The following CYTH3 variants were observed in gnomAD, a reference collection of about 807,000 sequenced individuals.
CYTH3 encodes the protein cytohesin-3.
CYTH3 carries 23 observed loss-of-function variants against 55.1 expected under a neutral mutation model. The observed-to-expected ratio is 0.42, with a 90% CI of 0.30 to 0.59. CYTH3 has a LOEUF of 0.59. Ranked by LOEUF, CYTH3 falls within the 20% of genes least tolerant of loss-of-function variation. The pLI, the probability that CYTH3 is intolerant of heterozygous loss-of-function variation, is 0.20. For missense variants in CYTH3, 413 were observed against 524.8 expected (o/e 0.79, Z 2.08); for synonymous variants, 249 against 194.9 (o/e 1.28, Z -2.31).
intron 1 of CYTH3, among the ~76,000 whole-genome samples, chr7:6,257,210 T>G (rs984033297): frequency 6.6e-6 from 1 of 152,118 alleles, no homozygotes; most frequent in Non-Finnish European, 1.5e-5. Context: ...CAATCACTCA[T>G]CTTCCCACGC....
chr7:6,207,793 T>C (rs1784228883), intron 1 of CYTH3, among the ~76,000 whole-genome samples: 1 of 151,870 alleles, frequency 6.6e-6, no homozygotes, highest in Non-Finnish European at 1.5e-5. Context: ...CCACAACAAA[T>C]ACAAAAATTA....
chr7:6,181,342 C>A (rs1783497886), intron 4 of CYTH3, among the ~76,000 whole-genome samples: 2 of 152,168 alleles, frequency 1.3e-5, no homozygotes, highest in Admixed American at 1.3e-4. Context: ...ATCAGAGAAG[C>A]CCTTGTGTGT....
chr7:6,204,788 G>GT (rs1784146442), intron 1 of CYTH3, among the ~76,000 whole-genome samples: 1 of 152,186 alleles, frequency 6.6e-6, no homozygotes, highest in South Asian at 2.1e-4. Context: ...TATGTTTCCT[G>GT]TATCGAACTA....
chr7:6,250,085 T>A (rs1207494998), intron 1 of CYTH3, among the ~76,000 whole-genome samples: 3 of 152,172 alleles, frequency 2.0e-5, no homozygotes, highest in African/African-American at 7.2e-5. Context: ...AAATTTGTTG[T>A]CCTATGTCCA....
At chr7:6,247,633 T>C (rs1212865463) in intron 1 of CYTH3, among the ~76,000 whole-genome samples, 1 of 152,172 alleles carries the variant, frequency 6.6e-6, no homozygotes, top group Non-Finnish European at 1.5e-5. Context: ...TTCAGCTCTT[T>C]CATTTCACTT....
intron 1 of CYTH3, among the ~76,000 whole-genome samples, chr7:6,236,481 A>G (rs963326981): frequency 6.6e-6 from 1 of 151,706 alleles, no homozygotes; most frequent in Non-Finnish European, 1.5e-5. Context: ...AAGCACTGGA[A>G]TTACAGGTAT....
At chr7:6,177,617 G>A (rs546155540) in intron 5 of CYTH3, among the ~76,000 whole-genome samples, 3 of 152,336 alleles carry the variant, frequency 2.0e-5, no homozygotes, top group East Asian at 1.9e-4. Flanking sequence ...CCCATAATAC[G>A]GTAATGCCTC....
intron 1 of CYTH3, among the ~76,000 whole-genome samples, chr7:6,206,550 T>G (rs1583785818): frequency 6.6e-6 from 1 of 152,256 alleles, no homozygotes; most frequent in Admixed American, 6.5e-5. Context: ...CAAGGGTGTG[T>G]GTACATGACT....
chr7:6,215,084 T>C (rs1341368357), intron 1 of CYTH3, among the ~76,000 whole-genome samples: 1 of 152,222 alleles, frequency 6.6e-6, no homozygotes, highest in African/African-American at 2.4e-5. Context: ...AGAATTCTGT[T>C]ACTTCAAGTG....
At chr7:6,245,591 G>C (rs1249597614) in intron 1 of CYTH3, among the ~76,000 whole-genome samples, 1 of 152,192 alleles carries the variant, frequency 6.6e-6, no homozygotes, top group Non-Finnish European at 1.5e-5. Context: ...CTTCACAAAG[G>C]TTTGTCCAGA....
chr7:6,170,896 T>C lies in CYTH3; in HGVS notation c.645A>G (p.Ala215=), dbSNP rs1002205659. ...CGCGGTTCATGGCGATGAACCGTTCTGCCGTGGGCTTGTCACGCACGTTGT... is the reference window on the plus strand; with the variant it reads ...CGCGGTTCATGGCGATGAACCGTTCCGCCGTGGGCTTGTCACGCACGTTGT... ...HNHNVRDKPT[A]ERFIAMNRGI... is the part of the protein sequence containing the mutation. The change falls in exon 8 of 13, where the codon GCA becomes GCG. Residue 215 remains alanine (A), a synonymous_variant. Transcript: ENST00000350796. The surrounding 1 kb of genome is among the most constrained non-coding windows in gnomAD (Gnocchi z 7.8). The C allele has an allele frequency of 1.2e-6, 2 of 1,613,860 alleles. No individual in the cohort carries two copies. Among genetic ancestry groups the C allele is most frequent in the Non-Finnish European group, 1.7e-6 (2 of 1,179,932 alleles).
intron 1 of CYTH3, among the ~76,000 whole-genome samples, chr7:6,210,823 T>C (rs184121430): frequency 1.6e-4 from 24 of 152,348 alleles, no homozygotes; most frequent in Admixed American, 1.2e-3. Context: ...AAGAAAACAG[T>C]TGGGCATATT....
intron 1 of CYTH3, among the ~76,000 whole-genome samples, chr7:6,253,540 G>A (rs1018852331): frequency 4.6e-5 from 7 of 151,952 alleles, no homozygotes; most frequent in Admixed American, 1.3e-4. Context: ...AAAAACAGCC[G>A]GGCACGGTGG....
At chr7:6,257,845 T>A (rs1326835380) in intron 1 of CYTH3, among the ~76,000 whole-genome samples, 2 of 152,000 alleles carry the variant, frequency 1.3e-5, no homozygotes, top group African/African-American at 4.8e-5. Flanking sequence ...TGACAGGAAG[T>A]GTGGAGGTAG....
chr7:6,196,009 T>G (rs1783916628), intron 1 of CYTH3, among the ~76,000 whole-genome samples: 1 of 152,236 alleles, frequency 6.6e-6, no homozygotes, highest in South Asian at 2.1e-4. Flanking sequence ...CTGTTCATCC[T>G]GCCTTCCAAT....
At chr7:6,248,775 G>A (rs1404399530) in intron 1 of CYTH3, among the ~76,000 whole-genome samples, 1 of 152,234 alleles carries the variant, frequency 6.6e-6, no homozygotes, top group Admixed American at 6.5e-5. Flanking sequence ...TAAGGAAACA[G>A]AGTGATGAGT....
Position 6,165,284 on chromosome 7 carries a change from CA to C in CYTH3, c.1115del (p.Met372ArgfsTer33). ...GAGGCCCCACTCACTTGATGGATTT[CA>C]TCCACTCCTCCTTCTCCTCCGGGCT... ...APSPEEKEEW[M>X]KSIKASISRD... On this transcript the variant is annotated frameshift_variant, in exon 12 of 13. Coordinates refer to ENST00000350796, the MANE Select transcript of CYTH3 (RefSeq NM_004227.4). LOFTEE classifies it high-confidence loss of function. 1 of 1,612,142 alleles carries C rather than the reference CA, an allele frequency of 6.2e-7. No homozygotes were observed. The highest frequency in any genetic ancestry group is 8.5e-7 in the Non-Finnish European group (1 of 1,179,170).
chr7:6,251,039 G>A (rs369875430), intron 1 of CYTH3, among the ~76,000 whole-genome samples: 17 of 152,340 alleles, frequency 1.1e-4, no homozygotes, highest in African/African-American at 3.8e-4. Flanking sequence ...AGCACTTTGG[G>A]AGGCCAAGGC....
At chr7:6,254,567 G>A (rs544130078) in intron 1 of CYTH3, among the ~76,000 whole-genome samples, 5 of 152,320 alleles carry the variant, frequency 3.3e-5, no homozygotes, top group African/African-American at 1.2e-4. Context: ...TCATGCCTCA[G>A]CCTCCCAAGA....
Sources: allele counts gnomAD v4.1 joint callset (sites outside exome capture counted in the v4.1 genomes callset), GRCh38; gene constraint gnomAD v4.1.1; non-coding constraint Gnocchi (gnomAD v3.1); transcripts MANE v1.5; gene names NCBI Gene and HGNC (gene_info 2026-07-23, HGNC 2026-07-21).